The following UBE4A variants were observed in gnomAD, a reference collection of about 807,000 sequenced individuals.
UBE4A encodes ubiquitination factor E4A.
Under a neutral mutation model 117.9 loss-of-function variants are expected in UBE4A, and 48 were observed. That is an observed-to-expected ratio of 0.41 (90% CI 0.32 to 0.52). The LOEUF is 0.52. Among genes scored for constraint, UBE4A ranks in the 20% least tolerant of loss-of-function variants. UBE4A has a pLI of 0.33. For missense variants in UBE4A, 1,067 were observed against 1,296.3 expected (o/e 0.82, Z 2.72); for synonymous variants, 407 against 450.0 (o/e 0.90, Z 1.21).
chr11:118,384,020 G>A (rs782312464), intron 13 of UBE4A, among the ~76,000 whole-genome samples: 1 of 152,142 alleles, frequency 6.6e-6, no homozygotes, highest in African/African-American at 2.4e-5. Flanking sequence ...CTGAGGAAGT[G>A]GAAGCTGAAG....
At chr11:118,381,938 C>G (rs555990308) in intron 12 of UBE4A, among the ~76,000 whole-genome samples, 28 of 152,306 alleles carry the variant, frequency 1.8e-4, no homozygotes, top group South Asian at 1.2e-3. Context: ...TTTTCTCACT[C>G]ATAGCTTCTA....
rs1948877147 is a variant in UBE4A, at chr11:118,396,603, G to A, written c.*163G>A. 2.5e-6 allele frequency: 2 copies of A among 792,592 alleles called. No homozygotes were observed. Among genetic ancestry groups the A allele is most frequent in the Non-Finnish European group, 3.5e-6 (2 of 571,252 alleles). The allele number at this position is 792,592 out of a possible 1,614,324, so 49.1% of individuals were successfully genotyped here. A position where few individuals can be genotyped will look rare whatever the true frequency, so the allele number is the denominator to read the frequency against. ...AACTGCTCTTGCTGAAATTATGATA[G>A]TTAAGATTCCTAAGAACTTGACAAT... On this transcript the variant is annotated 3_prime_UTR_variant, in exon 20 of 20. Coordinates refer to ENST00000252108, the MANE Select transcript of UBE4A (RefSeq NM_001204077.2).
chr11:118,376,762 G>A, intron 10 of UBE4A, 68 bp downstream of exon 10: 2 of 1,565,914 alleles, frequency 1.3e-6, no homozygotes, highest in Non-Finnish European at 1.7e-6. Flanking sequence ...TAGAAATTGA[G>A]TCTTTGGCCA....
chr11:118,379,850 C>A, intron 11 of UBE4A, 100 bp downstream of exon 11: 1 of 1,351,112 alleles, frequency 7.4e-7, no homozygotes, highest in Non-Finnish European at 9.9e-7. Context: ...TCTTCGTTAT[C>A]ATTCAGTTGT....
chr11:118,384,815 T>A lies in UBE4A; in HGVS notation c.2299-17T>A. The A allele has an allele frequency of 1.2e-6, 2 of 1,613,166 alleles. No individual in the cohort carries two copies. Among genetic ancestry groups the A allele is most frequent in the Non-Finnish European group, 1.7e-6 (2 of 1,179,236 alleles). ...ATTCAGTACTAAAATGGTTTTCTTGTGGGCTGGGACTTACAGGATTTGGCT... is the reference window on the plus strand; with the variant it reads ...ATTCAGTACTAAAATGGTTTTCTTGAGGGCTGGGACTTACAGGATTTGGCT... On this transcript the variant is annotated splice_polypyrimidine_tract_variant and intron_variant, in intron 14 of 19. Transcript: ENST00000252108.
In UBE4A at chr11:118,374,915, A is replaced by C; in HGVS notation, c.1136A>C (p.Glu379Ala). The change falls in exon 9 of 20, where the codon GAA (glutamate) becomes GCA (alanine). Residue 379 changes from glutamate to alanine, a missense_variant. Physicochemically the swap from Glu to Ala is moderately radical, Grantham distance 107. Transcript: ENST00000252108. ...NIHQFMAQFH[E>A]KIYQMLKNLL... ...GAACAGTTCATGGCTCAGTTCCACGAAAAGATCTACCAGATGCTGAAGAAC... is the reference window on the plus strand; with the variant it reads ...GAACAGTTCATGGCTCAGTTCCACGCAAAGATCTACCAGATGCTGAAGAAC... 1 of 1,535,326 alleles carries C rather than the reference A, an allele frequency of 6.5e-7. No homozygotes were observed. Among genetic ancestry groups the C allele is most frequent in the Admixed American group, 2.0e-5 (1 of 49,602 alleles).
At chr11:118,395,287 C>T (rs1555129428) in intron 19 of UBE4A, among the ~76,000 whole-genome samples, 2 of 151,478 alleles carry the variant, frequency 1.3e-5, no homozygotes, top group African/African-American at 4.9e-5. Flanking sequence ...CAAGATCACG[C>T]CACTGCAACT....
At chr11:118,360,454 G>A (rs79643687) in intron 1 of UBE4A, among the ~76,000 whole-genome samples, 1,923 of 152,300 alleles carry the variant, frequency 0.013, 48 homozygotes, top group African/African-American at 0.043. Context: ...TGCCACATTA[G>A]CATGGCCTGA....
At position 118,382,580 on chromosome 11, in the gene UBE4A, A is replaced by G. The variant is rs1565535991; in HGVS notation, c.2010-9A>G. Reference sequence around the variant, plus strand: ...TATCTGCTCATCTTGCTTTTTGCCCATTTTGCAGAATGAAGAATCCCCACC... The same window carrying G: ...TATCTGCTCATCTTGCTTTTTGCCCGTTTTGCAGAATGAAGAATCCCCACC... On this transcript the variant is annotated splice_polypyrimidine_tract_variant and intron_variant, in intron 12 of 19. Coordinates refer to ENST00000252108, the MANE Select transcript of UBE4A (RefSeq NM_001204077.2). The G allele has an allele frequency of 2.0e-6, 3 of 1,525,072 alleles. No homozygotes were observed. The highest frequency in any genetic ancestry group is 1.4e-5 in the African/African-American group (1 of 71,782). 94.5% of individuals were successfully genotyped at this position (1,525,072 alleles called of 1,614,324 possible).
In UBE4A at chr11:118,368,618, C is replaced by G. The variant is rs375684345; in HGVS notation, c.122-13C>G. The G allele has an allele frequency of 6.2e-7, 1 of 1,613,818 alleles. No individual in the cohort carries two copies. The highest frequency in any genetic ancestry group is 1.3e-5 in the African/African-American group (1 of 75,020). Reference sequence around the variant, plus strand: ...AAGGGGTGTAACATTTAACAGTATACATTTTCTGGCAGATGAACTCCCAGC... The same window carrying G: ...AAGGGGTGTAACATTTAACAGTATAGATTTTCTGGCAGATGAACTCCCAGC... On this transcript the variant is annotated splice_polypyrimidine_tract_variant and intron_variant, in intron 2 of 19. Coordinates refer to ENST00000252108, the MANE Select transcript of UBE4A (RefSeq NM_001204077.2).
intron 15 of UBE4A, among the ~76,000 whole-genome samples, chr11:118,386,015 A>G (rs553316333): frequency 6.5e-4 from 99 of 152,308 alleles, no homozygotes; most frequent in African/African-American, 2.4e-3. Flanking sequence ...CATCTTGCAT[A>G]TGTGATAGAG....
Position 118,379,621 on chromosome 11 carries a change from A to G in UBE4A, c.1747A>G (p.Asn583Asp). 1 of 1,614,204 alleles carries G rather than the reference A, an allele frequency of 6.2e-7. No homozygotes were observed. The highest frequency in any genetic ancestry group is 8.5e-7 in the Non-Finnish European group (1 of 1,180,022). Residue 583 changes from asparagine to aspartate, a missense_variant, in exon 11 of 20, where the codon AAC (asparagine) becomes GAC (aspartate). Coordinates refer to ENST00000252108, the MANE Select transcript of UBE4A (RefSeq NM_001204077.2). ...CATGACAGAGCCACAAATGCTACAA[A>G]ACTGCCTAAACTTGCAGGTGTCCAT... Reference protein sequence around the residue: ...TAMTEPQMLQNCLNLQVSMAV... With the variant: ...TAMTEPQMLQDCLNLQVSMAV...
rs1411442947 is a variant in UBE4A at position 118,397,859 on chromosome 11, T to A, written c.*1419T>A. ...TTGATGGGTTTTTGATTGCATCAGC[T>A]GGAAAGCCTCAAATCTAAGAGGGCT... On this transcript the variant is annotated 3_prime_UTR_variant, in exon 20 of 20. Coordinates refer to ENST00000252108, the MANE Select transcript of UBE4A (RefSeq NM_001204077.2). 1 of 152,162 alleles carries A rather than the reference T, an allele frequency of 6.6e-6. No individual in the cohort carries two copies. The highest frequency in any genetic ancestry group is 1.5e-5 in the Non-Finnish European group (1 of 68,028). The allele number at this position is 152,162 out of a possible 1,614,324, so 9.4% of individuals were successfully genotyped here.
At chr11:118,377,058 A>G (rs1342225607) in intron 10 of UBE4A, among the ~76,000 whole-genome samples, 1 of 152,184 alleles carries the variant, frequency 6.6e-6, no homozygotes, top group Non-Finnish European at 1.5e-5. Context: ...GTTTCTTAAA[A>G]AAAAAAGAGA....
chr11:118,383,588 C>CAAAAAAAAAAAA (rs11375309), intron 13 of UBE4A, among the ~76,000 whole-genome samples: 1 of 54,222 alleles, frequency 1.8e-5, no homozygotes, highest in African/African-American at 7.2e-5. Context: ...AAATCCCTCT[C>CAAAAAAAAAAAA]AAAAAAAAAA....
rs1235678575 is a variant in UBE4A at position 118,384,523 on chromosome 11, G to A, written c.2198-112G>A. The A allele has an allele frequency of 5.4e-6, 5 of 933,596 alleles. No homozygotes were observed. The Admixed American group carries it at 9.8e-5, about 18-fold the overall frequency. The allele number at this position is 933,596 out of a possible 1,614,324, so 57.8% of individuals were successfully genotyped here. A position where few individuals can be genotyped will look rare whatever the true frequency, so the allele number is the denominator to read the frequency against. On this transcript the variant is annotated intron_variant, in intron 13 of 19. Coordinates refer to ENST00000252108, the MANE Select transcript of UBE4A (RefSeq NM_001204077.2). ...AACTCCAGGGCAGATTTTGTTAGTAGCCTTAACACACTCAAAAGCAAATGA... is the reference window on the plus strand; with the variant it reads ...AACTCCAGGGCAGATTTTGTTAGTAACCTTAACACACTCAAAAGCAAATGA...
chr11:118,390,946 G>A (rs1267449469), intron 18 of UBE4A, 142 bp downstream of exon 18: 2 of 1,067,966 alleles, frequency 1.9e-6, no homozygotes, highest in Non-Finnish European at 2.6e-6. Context: ...AAGCTGCAGT[G>A]TGCTATGATC....
chr11:118,379,762 C>T lies in UBE4A; in HGVS notation c.1876+12C>T. 3 of 1,603,858 alleles carry T rather than the reference C, an allele frequency of 1.9e-6. No homozygotes were observed. Among genetic ancestry groups the T allele is most frequent in the Non-Finnish European group, 1.7e-6 (2 of 1,171,692 alleles). On this transcript the variant is annotated intron_variant, in intron 11 of 19. Transcript: ENST00000252108. ...GGCTTATGTGCCAGGTAAGCAGGCT[C>T]TCCCTTGGGAATGTCCTGTTTATAG...
In UBE4A at chr11:118,374,957, C is replaced by T; in HGVS notation, c.1178C>T (p.Pro393Leu). 8 of 1,586,790 alleles carry T rather than the reference C, an allele frequency of 5.0e-6. No individual in the cohort carries two copies. Among genetic ancestry groups the T allele is most frequent in the Non-Finnish European group, 6.9e-6 (8 of 1,163,918 alleles). The part of the protein sequence containing the change: ...QMLKNLLQLS[P>L]ETKHCILSWL... ...CTGAAGAACTTACTCCAGCTCTCTC[C>T]AGAAACCAAACACTGTATCTTGTCC... Residue 393 changes from proline to leucine, a missense_variant, in exon 9 of 20, where the codon CCA (proline) becomes CTA (leucine). By Grantham distance (98) the Pro-to-Leu change is moderately conservative (BLOSUM62 -3). This residue lies in a region of UBE4A where 1,001 missense variants were observed against 1,184.0 expected (regional missense o/e 0.85). Transcript: ENST00000252108.
Sources: gnomAD v4.1 joint callset for allele counts (sites outside exome capture counted in the v4.1 genomes callset) on GRCh38, gnomAD v4.1.1 for gene constraint, gnomAD v4.1.1 regional missense constraint, MANE v1.5 for transcripts, NCBI Gene and HGNC (gene_info 2026-07-23, HGNC 2026-07-21) for gene names.